SRGAP1: variants seen among roughly 807,000 people sequenced by gnomAD.
The protein encoded by SRGAP1 is SLIT-ROBO Rho GTPase activating protein 1.
SRGAP1 carries 43 observed loss-of-function variants against 121.9 expected under a neutral mutation model. That is an observed-to-expected ratio of 0.35 (90% CI 0.28 to 0.46). The LOEUF is 0.46. SRGAP1 is among the 20% of genes least tolerant of loss of function. The pLI is 1.00. For missense variants in SRGAP1, 1,102 were observed against 1,350.9 expected (o/e 0.82, Z 2.89); for synonymous variants, 447 against 485.4 (o/e 0.92, Z 1.04).
chr12:64,146,243 G>A lies in SRGAP1; in HGVS notation c.*3571G>A, dbSNP rs867267828. The A allele has an allele frequency of 1.3e-5, 2 of 152,152 alleles. No individual in the cohort carries two copies. Among genetic ancestry groups the A allele is most frequent in the Non-Finnish European group, 2.9e-5 (2 of 68,036 alleles). 9.4% of individuals were successfully genotyped at this position (152,152 alleles called of 1,614,324 possible). On this transcript the variant is annotated 3_prime_UTR_variant, in exon 22 of 22. Transcript: ENST00000355086. ...ATAATCTGGCTTTGGTGCCCCTTGA[G>A]CCACCTGTAGAATAATTTATAGCAG...
intron 3 of SRGAP1, among the ~76,000 whole-genome samples, chr12:64,004,464 C>T (rs192384680): frequency 1.6e-4 from 24 of 152,158 alleles, no homozygotes; most frequent in African/African-American, 4.1e-4. Context: ...TTCCACCTTC[C>T]GAGTTCAAGT....
At chr12:63,926,074 AT>A (rs2031250617) in intron 1 of SRGAP1, among the ~76,000 whole-genome samples, 1 of 152,166 alleles carries the variant, frequency 6.6e-6, no homozygotes, top group South Asian at 2.1e-4. Context: ...CAAATCCGCA[AT>A]TTAATTTCAT....
At chr12:63,986,130 C>T (rs2033406673) in intron 2 of SRGAP1, among the ~76,000 whole-genome samples, 1 of 151,534 alleles carries the variant, frequency 6.6e-6, no homozygotes, top group Non-Finnish European at 1.5e-5. Context: ...TCTTCCTCTC[C>T]CTTTCACTCT....
At chr12:64,060,946 G>T (rs571815482) in intron 6 of SRGAP1, among the ~76,000 whole-genome samples, 30 of 152,298 alleles carry the variant, frequency 2.0e-4, no homozygotes, top group Admixed American at 7.2e-4. Context: ...TTAGTGAGTT[G>T]AATTGAATCA....
At chr12:64,058,809 A>G in intron 6 of SRGAP1, among the ~76,000 whole-genome samples, 1 of 61,504 alleles carries the variant, frequency 1.6e-5, no homozygotes, top group East Asian at 2.4e-4. Context: ...TTCAGTTTCT[A>G]GTTTAGAAAA....
chr12:63,862,352 G>A (rs1236696240), intron 1 of SRGAP1, among the ~76,000 whole-genome samples: 1 of 152,064 alleles, frequency 6.6e-6, no homozygotes, highest in African/African-American at 2.4e-5. Context: ...TGGTGTCACA[G>A]CCAACTTGGC....
At position 64,161,752 on chromosome 12, in the gene SRGAP1, T is replaced by C. The variant is rs1228422066; in HGVS notation, c.*19080T>C. The C allele has an allele frequency of 6.6e-6, 1 of 152,174 alleles. No homozygotes were observed. 9.4% of individuals were successfully genotyped at this position (152,174 alleles called of 1,614,324 possible). On this transcript the variant is annotated 3_prime_UTR_variant, in exon 22 of 22. Coordinates refer to ENST00000355086, the MANE Select transcript of SRGAP1 (RefSeq NM_020762.4). Reference sequence around the variant, plus strand: ...AAAAACAAGCACTAAAGAAGGGCACTAAAAAACAGATTGTCATAGCAGTAT... The same window carrying C: ...AAAAACAAGCACTAAAGAAGGGCACCAAAAAACAGATTGTCATAGCAGTAT...
chr12:63,941,909 T>G (rs2031882071), intron 1 of SRGAP1, among the ~76,000 whole-genome samples: 1 of 152,156 alleles, frequency 6.6e-6, no homozygotes, highest in Admixed American at 6.5e-5. Flanking sequence ...TTATCCCTCC[T>G]TGGGATCATG....
rs562351946 is a variant in SRGAP1 at position 64,135,913 on chromosome 12, G to A, written c.2881-6382G>A. On this transcript the variant is annotated intron_variant, in intron 21 of 21. Transcript: ENST00000355086. ...CACAATAAGCCGTCTGCAGGCTGAG[G>A]AGCAAGGAGTCGGTCCAAGTTCCAA... Among the ~76,000 whole-genome samples the A allele has an allele frequency of 3.3e-5, 5 of 152,350 alleles. No individual in the cohort carries two copies. The South Asian group carries it at 1.0e-3, about 32-fold the overall frequency.
At chr12:64,009,026 C>G (rs1161572852) in intron 3 of SRGAP1, among the ~76,000 whole-genome samples, 1 of 152,050 alleles carries the variant, frequency 6.6e-6, no homozygotes, top group Non-Finnish European at 1.5e-5. Flanking sequence ...TTATGGCTGT[C>G]ACAGAAAAGA....
intron 1 of SRGAP1, among the ~76,000 whole-genome samples, chr12:63,850,820 A>T (rs547766213): frequency 5.9e-5 from 9 of 152,284 alleles, no homozygotes; most frequent in Admixed American, 5.9e-4. Context: ...TTGTTTGTCT[A>T]ATTAGTCTAT....
At chr12:64,050,423 C>T (rs2035215926) in intron 6 of SRGAP1, among the ~76,000 whole-genome samples, 1 of 150,110 alleles carries the variant, frequency 6.7e-6, no homozygotes, top group Admixed American at 6.7e-5. Flanking sequence ...CATCTAAGAT[C>T]ATCATTGTTA....
intron 14 of SRGAP1, among the ~76,000 whole-genome samples, chr12:64,096,477 A>T (rs188153678): frequency 6.6e-6 from 1 of 152,202 alleles, no homozygotes; most frequent in African/African-American, 2.4e-5. Context: ...TAAGGATTTT[A>T]TCTCTAGAGG....
chr12:64,072,304 G>A (rs1253779401), intron 8 of SRGAP1, among the ~76,000 whole-genome samples: 5 of 152,044 alleles, frequency 3.3e-5, no homozygotes, highest in Non-Finnish European at 5.9e-5. Context: ...GATGAGTGAT[G>A]AGTCTTAAAG....
At chr12:64,054,200 A>G (rs377439056) in intron 6 of SRGAP1, among the ~76,000 whole-genome samples, 5 of 152,200 alleles carry the variant, frequency 3.3e-5, no homozygotes, top group African/African-American at 1.2e-4. Context: ...AAAGCGTGAA[A>G]GATAAATCTT....
chr12:64,136,733 TA>T (rs1193563431), intron 21 of SRGAP1, among the ~76,000 whole-genome samples: 2 of 152,242 alleles, frequency 1.3e-5, no homozygotes, highest in Non-Finnish European at 2.9e-5. Flanking sequence ...TTGACTGTTT[TA>T]TTTTTTTCTG....
chr12:63,974,172 T>A (rs2033032211), intron 1 of SRGAP1, among the ~76,000 whole-genome samples: 1 of 152,192 alleles, frequency 6.6e-6, no homozygotes, highest in South Asian at 2.1e-4. Context: ...TCCTACAATG[T>A]TGTTCAACTG....
rs1478674866 is a variant in SRGAP1 at position 63,898,029 on chromosome 12, TAAGA to T, written c.67+53150_67+53153del. Among the ~76,000 whole-genome samples, 3 of 152,214 alleles carry T rather than the reference TAAGA, an allele frequency of 2.0e-5. No homozygotes were observed. The East Asian group carries it at 5.8e-4, about 29-fold the overall frequency. ...CCTTGGCACAGCTGCTTCACTGTGA[TAAGA>T]AAGCAGAGCTCGATTTATGCTGACT... On this transcript the variant is annotated intron_variant, in intron 1 of 21. Transcript: ENST00000355086.
intron 21 of SRGAP1, among the ~76,000 whole-genome samples, chr12:64,138,512 G>GT (rs1352789713): frequency 2.1e-5 from 3 of 143,200 alleles, no homozygotes; most frequent in African/African-American, 7.9e-5. Context: ...GAGTGAAGGA[G>GT]TGAAGTGGCG....
Sources: gnomAD v4.1 joint callset for allele counts (sites outside exome capture counted in the v4.1 genomes callset) on GRCh38, gnomAD v4.1.1 for gene constraint, MANE v1.5 for transcripts, NCBI Gene and HGNC (gene_info 2026-07-23, HGNC 2026-07-21) for gene names.